The following VPS37A variants were observed in gnomAD, a reference collection of about 807,000 sequenced individuals.
VPS37A encodes VPS37A subunit of ESCRT-I, also known as vacuolar protein sorting-associated protein 37A.
VPS37A carries 30 observed loss-of-function variants against 49.8 expected under a neutral mutation model. That is an observed-to-expected ratio of 0.60 (90% CI 0.45 to 0.82). VPS37A has a LOEUF of 0.82. Ranked by LOEUF, VPS37A falls within the 40% of genes least tolerant of loss-of-function variation. The pLI is 0.00. For missense variants in VPS37A, 593 were observed against 464.4 expected, an observed-to-expected ratio of 1.28 and a Z score of -2.55; for synonymous variants, 195 against 160.6, an observed-to-expected ratio of 1.21 and a Z score of -1.62.
At chr8:17,265,643 T>C (rs1292212791) in intron 1 of VPS37A, 3 of 688,352 alleles carry the variant, frequency 4.4e-6, no homozygotes, top group African/African-American at 1.8e-5. Context: ...TAAAACAGTG[T>C]AGCATTAATG....
the VPS37A span, among the ~76,000 whole-genome samples, chr8:17,319,304 A>G: frequency 6.6e-6 from 1 of 152,180 alleles, no homozygotes; most frequent in Non-Finnish European, 1.5e-5. Context: ...TAATACCAAT[A>G]AGCATTACAC....
chr8:17,279,467 A>G (rs1409334601), intron 6 of VPS37A, among the ~76,000 whole-genome samples: 1 of 152,150 alleles, frequency 6.6e-6, no homozygotes, highest in Non-Finnish European at 1.5e-5. Flanking sequence ...TTACTATAGT[A>G]CTAGTGTGTT....
At chr8:17,328,584 A>C in the VPS37A span, among the ~76,000 whole-genome samples, 1 of 152,086 alleles carries the variant, frequency 6.6e-6, no homozygotes, top group African/African-American at 2.4e-5. Flanking sequence ...GGGGGAGTGG[A>C]GGGAGAGCAT....
chr8:17,261,954 G>T (rs1335819805), intron 1 of VPS37A, among the ~76,000 whole-genome samples: 1 of 152,154 alleles, frequency 6.6e-6, no homozygotes, highest in Non-Finnish European at 1.5e-5. Flanking sequence ...TCTCCCTTCA[G>T]TCCTCATGAT....
the VPS37A span, among the ~76,000 whole-genome samples, chr8:17,310,241 G>T: frequency 0.54 from 82,247 of 151,744 alleles, 23,172 homozygotes; most frequent in East Asian, 0.74. Context: ...GCTCCAGCAA[G>T]CCTCCCTCCT....
At chr8:17,252,721 G>C (rs886164380) in intron 1 of VPS37A, among the ~76,000 whole-genome samples, 1 of 152,174 alleles carries the variant, frequency 6.6e-6, no homozygotes, top group African/African-American at 2.4e-5. Flanking sequence ...TGGACTACAA[G>C]GAGCTGCCTT....
At chr8:17,301,978 C>G (rs1817146956), downstream of VPS37A, 2 of 729,140 alleles carry the variant, frequency 2.7e-6, no homozygotes, top group East Asian at 5.7e-5. Flanking sequence ...CATTAAATGC[C>G]TAGGTTTGGG....
downstream of VPS37A, among the ~76,000 whole-genome samples, chr8:17,303,125 C>T (rs1817235901): frequency 1.3e-5 from 2 of 152,120 alleles, no homozygotes; most frequent in African/African-American, 4.8e-5. Flanking sequence ...TAAGTAAGTA[C>T]TTTGAGGGCA....
chr8:17,302,416 T>A, downstream of VPS37A: 1 of 886,262 alleles, frequency 1.1e-6, no homozygotes, highest in Non-Finnish European at 1.6e-6. Context: ...AAAAAGCCAC[T>A]ACTTAAGGTA....
chr8:17,307,984 A>G, the VPS37A span, among the ~76,000 whole-genome samples: 1 of 152,164 alleles, frequency 6.6e-6, no homozygotes, highest in Admixed American at 6.5e-5. Flanking sequence ...ACATGTATAT[A>G]TATGTAACAA....
intron 1 of VPS37A, among the ~76,000 whole-genome samples, chr8:17,252,207 C>G (rs1812044920): frequency 6.6e-6 from 1 of 152,194 alleles, no homozygotes; most frequent in South Asian, 2.1e-4. Flanking sequence ...GGGTCTCACT[C>G]TGTTACCCAG....
chr8:17,295,449 C>G lies in VPS37A; in HGVS notation c.*463C>G, dbSNP rs1475451855. Reference sequence around the variant, plus strand: ...TATTTTTCTTTCTTTGTGGATAAAACTTTCAAAAGCAATTTAAGATATTCA... The same window carrying G: ...TATTTTTCTTTCTTTGTGGATAAAAGTTTCAAAAGCAATTTAAGATATTCA... On this transcript the variant is annotated 3_prime_UTR_variant, in exon 12 of 12. Transcript: ENST00000324849. 6.6e-6 allele frequency: 1 copy of G among 152,422 alleles called. No homozygotes were observed. The highest frequency in any genetic ancestry group is 1.5e-5 in the Non-Finnish European group (1 of 67,978). The allele number at this position is 152,422 out of a possible 1,614,324, so 9.4% of individuals were successfully genotyped here. A position where few individuals can be genotyped will look rare whatever the true frequency, so the allele number is the denominator to read the frequency against.
At chr8:17,292,981 T>C (rs775437174) in intron 11 of VPS37A, among the ~76,000 whole-genome samples, 1 of 152,146 alleles carries the variant, frequency 6.6e-6, no homozygotes, top group African/African-American at 2.4e-5. Flanking sequence ...CTGTATTTTC[T>C]GAATTTGAAT....
chr8:17,300,255 A>G, downstream of VPS37A: 2 of 1,574,404 alleles, frequency 1.3e-6, no homozygotes, highest in Non-Finnish European at 1.7e-6. Flanking sequence ...TCAGGGGAAA[A>G]ATCATAAATA....
At chr8:17,281,418 A>G (rs1274597563) in intron 9 of VPS37A, among the ~76,000 whole-genome samples, 1 of 152,018 alleles carries the variant, frequency 6.6e-6, no homozygotes, top group Non-Finnish European at 1.5e-5. Flanking sequence ...TATATACTGG[A>G]CCTTAGTAAA....
At position 17,247,118 on chromosome 8, in the gene VPS37A, CG is replaced by C; in HGVS notation, c.-125del. On this transcript the variant is annotated 5_prime_UTR_variant, in exon 1 of 12. Transcript: ENST00000324849. ...AGGCAGGACAGGCTTAGAGAAGACG[CG>C]GTCCCCAGCGCTTGGGCCACGGACG... The C allele has an allele frequency of 7.9e-7, 1 of 1,263,616 alleles. No individual in the cohort carries two copies. The highest frequency in any genetic ancestry group is 1.1e-6 in the Non-Finnish European group (1 of 910,674). The allele number at this position is 1,263,616 out of a possible 1,614,324, so 78.3% of individuals were successfully genotyped here. A position where few individuals can be genotyped will look rare whatever the true frequency, so the allele number is the denominator to read the frequency against.
At chr8:17,317,379 T>C in the VPS37A span, among the ~76,000 whole-genome samples, 1 of 152,298 alleles carries the variant, frequency 6.6e-6, no homozygotes, top group South Asian at 2.1e-4. Context: ...TCTGAACACC[T>C]GAGTGCATCA....
At position 17,274,923 on chromosome 8, in the gene VPS37A, C is replaced by A; in HGVS notation, c.607C>A (p.Pro203Thr). 6.2e-7 allele frequency: 1 copy of A among 1,614,126 alleles called. No homozygotes were observed. The highest frequency in any genetic ancestry group is 2.2e-5 in the East Asian group (1 of 44,866). ...TTCATTTGGTGTCCTTTCAAATCTG[C>A]CATTACCCATTCCCACAGTGGATGC... Reference protein sequence around the residue: ...APSFGVLSNLPLPIPTVDASI... With the variant: ...APSFGVLSNLTLPIPTVDASI... Residue 203 changes from proline to threonine, a missense_variant, in exon 5 of 12, where the codon CCA becomes ACA. Physicochemically the swap from Pro to Thr is conservative, Grantham distance 38. Coordinates refer to ENST00000324849, the MANE Select transcript of VPS37A (RefSeq NM_152415.3).
At chr8:17,261,907 C>A (rs1812996157) in intron 1 of VPS37A, among the ~76,000 whole-genome samples, 2 of 152,158 alleles carry the variant, frequency 1.3e-5, no homozygotes, top group African/African-American at 4.8e-5. Context: ...GGTAGTCTTG[C>A]CTCTCCCCTT....
Sources: allele counts gnomAD v4.1 joint callset (sites outside exome capture counted in the v4.1 genomes callset), GRCh38; gene constraint gnomAD v4.1.1; transcripts MANE v1.5; gene names NCBI Gene and HGNC (gene_info 2026-07-23, HGNC 2026-07-21).